The following DCBLD2 variants were observed in gnomAD, a reference collection of about 807,000 sequenced individuals.
DCBLD2 encodes discoidin, CUB and LCCL domain containing 2, also known as discoidin, CUB and LCCL domain-containing protein 2.
DCBLD2 carries 54 observed loss-of-function variants against 86.8 expected under a neutral mutation model. That is an observed-to-expected ratio of 0.62 (90% CI 0.50 to 0.78). The LOEUF (loss-of-function observed/expected upper bound fraction) is 0.78. Among genes scored for constraint, DCBLD2 ranks in the 30% least tolerant of loss-of-function variants. The pLI is 0.00. For synonymous variants in DCBLD2, 354 were observed against 341.3 expected, an observed-to-expected ratio of 1.04 and a Z score of -0.41; for missense variants, 908 against 954.2, an observed-to-expected ratio of 0.95 and a Z score of 0.64.
chr3:98,839,198 TC>T (rs1254395761), intron 3 of DCBLD2, among the ~76,000 whole-genome samples: 1,905 of 150,128 alleles, frequency 0.013, 60 homozygotes, highest in African/African-American at 0.045. Context: ...CTTCCTTCCT[TC>T]CTTCCTTCTT....
intron 3 of DCBLD2, among the ~76,000 whole-genome samples, chr3:98,834,677 T>A (rs1282999005): frequency 6.6e-6 from 1 of 150,488 alleles, no homozygotes; most frequent in Non-Finnish European, 1.5e-5. Context: ...ATACATCACC[T>A]TTTCTTTATT....
In DCBLD2 at chr3:98,836,763, C is replaced by T. The variant is rs1455527619; in HGVS notation, c.572-11397G>A. ...CTCCCTCCCGGACGGGGTGGCTGGCCGGGCGGGGGGCCGACACCCCCACCT... is the reference window on the plus strand; with the variant it reads ...CTCCCTCCCGGACGGGGTGGCTGGCTGGGCGGGGGGCCGACACCCCCACCT... On this transcript the variant is annotated intron_variant, in intron 3 of 15. Coordinates refer to ENST00000326840, the MANE Select transcript of DCBLD2 (RefSeq NM_080927.4). 2.8e-5 allele frequency among the ~76,000 whole-genome samples: 2 copies of T among 71,196 alleles called. 1 individual carries two copies. The highest frequency in any genetic ancestry group is 9.9e-5 in the African/African-American group (2 of 20,194). The allele number at this position is 71,196 out of a possible 152,430, so 46.7% of individuals were successfully genotyped here. A position where few individuals can be genotyped will look rare whatever the true frequency, so the allele number is the denominator to read the frequency against.
At chr3:98,900,981 C>T (rs1943838289) in intron 1 of DCBLD2, 141 bp downstream of exon 1, 1 of 1,415,128 alleles carries the variant, frequency 7.1e-7, no homozygotes. Flanking sequence ...GCAACTCAAC[C>T]CCGTGAGTAC....
chr3:98,860,219 C>T (rs1943015882), intron 2 of DCBLD2, among the ~76,000 whole-genome samples: 1 of 152,108 alleles, frequency 6.6e-6, no homozygotes, highest in Non-Finnish European at 1.5e-5. Context: ...AAATATGGGA[C>T]TAGGTGAAAA....
intron 1 of DCBLD2, chr3:98,895,232 G>C (rs1943731557): frequency 6.6e-6 from 1 of 152,198 alleles, no homozygotes; most frequent in Non-Finnish European, 1.5e-5. Context: ...TTACTTACAT[G>C]ATACGCAAAG....
At chr3:98,812,157 ATAAC>A (rs10612322) in intron 10 of DCBLD2, among the ~76,000 whole-genome samples, 171 bp downstream of exon 10, 65,449 of 151,584 alleles carry the variant, frequency 0.43, 14,246 homozygotes, top group African/African-American at 0.45. Context: ...AACCATTCTT[ATAAC>A]TAACTTTTTA....
chr3:98,817,658 T>C lies in DCBLD2; in HGVS notation c.1212+111A>G, dbSNP rs1942047100. 4.0e-6 allele frequency: 4 copies of C among 991,616 alleles called. No homozygotes were observed. The South Asian group carries it at 5.3e-5, about 13-fold the overall frequency. 61.4% of individuals were successfully genotyped at this position (991,616 alleles called of 1,614,324 possible). On this transcript the variant is annotated intron_variant, in intron 9 of 15. Coordinates refer to ENST00000326840, the MANE Select transcript of DCBLD2 (RefSeq NM_080927.4). ...ACTACCTAAAATAACCACAAGAGGG[T>C]AGTATAAGACATTCTAAACTTCTAC...
chr3:98,894,997 A>T (rs1457879691), intron 1 of DCBLD2, among the ~76,000 whole-genome samples: 1 of 152,106 alleles, frequency 6.6e-6, no homozygotes, highest in Non-Finnish European at 1.5e-5. Context: ...AAGGGTTTTG[A>T]AGGCTGATCG....
intron 1 of DCBLD2, among the ~76,000 whole-genome samples, chr3:98,892,031 T>C (rs1459462902): frequency 6.6e-6 from 1 of 152,174 alleles, no homozygotes; most frequent in African/African-American, 2.4e-5. Context: ...TACAAGGCTC[T>C]TAGCACATGC....
intron 3 of DCBLD2, among the ~76,000 whole-genome samples, chr3:98,841,133 C>T (rs1447766183): frequency 6.6e-6 from 1 of 152,190 alleles, no homozygotes; most frequent in Non-Finnish European, 1.5e-5. Flanking sequence ...CCTGCCTTCC[C>T]TAATCCTAGA....
Position 98,797,212 on chromosome 3 carries a change from G to C in DCBLD2, c.*2160C>G, listed in dbSNP as rs948801369. ...AAAAATTATTGGTAGTTCAAGGATAGCACAGTGGCAATATGAATCGAGTCT... is the reference window on the plus strand; with the variant it reads ...AAAAATTATTGGTAGTTCAAGGATACCACAGTGGCAATATGAATCGAGTCT... On this transcript the variant is annotated 3_prime_UTR_variant, in exon 16 of 16. Transcript: ENST00000326840. 2 of 151,278 alleles carry C rather than the reference G, an allele frequency of 1.3e-5. No homozygotes were observed. The highest frequency in any genetic ancestry group is 6.6e-5 in the Admixed American group (1 of 15,156). 9.4% of individuals were successfully genotyped at this position (151,278 alleles called of 1,614,324 possible).
At chr3:98,844,722 G>A (rs1217024701) in intron 3 of DCBLD2, among the ~76,000 whole-genome samples, 2 of 152,102 alleles carry the variant, frequency 1.3e-5, no homozygotes, top group African/African-American at 4.8e-5. Flanking sequence ...CCTTACTGTG[G>A]TAGGTTCTGC....
chr3:98,806,325 T>C (rs1008230399), intron 13 of DCBLD2, among the ~76,000 whole-genome samples: 4 of 152,226 alleles, frequency 2.6e-5, no homozygotes, highest in Admixed American at 2.6e-4. Context: ...TTATGTAGAA[T>C]AGTGACTAAG....
At chr3:98,833,564 G>A (rs779628423) in intron 3 of DCBLD2, among the ~76,000 whole-genome samples, 4 of 152,174 alleles carry the variant, frequency 2.6e-5, no homozygotes, top group Non-Finnish European at 4.4e-5. Context: ...TCTCTGTGTG[G>A]GTGTTCCTTT....
chr3:98,839,120 T>TC (rs1559781363), intron 3 of DCBLD2, among the ~76,000 whole-genome samples: 37 of 33,192 alleles, frequency 1.1e-3, no homozygotes, highest in African/African-American at 1.9e-3. Flanking sequence ...TTTCTTTCTT[T>TC]TTCTTTCTTT....
intron 2 of DCBLD2, among the ~76,000 whole-genome samples, chr3:98,852,463 TCTAGAACTCCTGAC>T (rs908388413): frequency 1.2e-4 from 19 of 152,306 alleles, no homozygotes; most frequent in African/African-American, 4.3e-4. Flanking sequence ...GCCAGGCTGG[TCTAGAACTCCTGAC>T]CTGTGGTGAT....
intron 13 of DCBLD2, chr3:98,807,868 A>C (rs1335739671): frequency 5.9e-6 from 2 of 338,548 alleles, no homozygotes; most frequent in African/African-American, 4.3e-5. Context: ...CCCAGTGTAT[A>C]ATGCAGAACT....
intron 1 of DCBLD2, among the ~76,000 whole-genome samples, chr3:98,884,908 A>G (rs1371268239): frequency 6.6e-6 from 1 of 152,108 alleles, no homozygotes; most frequent in Non-Finnish European, 1.5e-5. Context: ...TTTAAAAATG[A>G]TTTTTACAAA....
intron 3 of DCBLD2, among the ~76,000 whole-genome samples, chr3:98,839,180 C>CT (rs1446480092): frequency 2.2e-3 from 63 of 28,174 alleles, no homozygotes; most frequent in African/African-American, 0.012. Context: ...TCCTTTCTTT[C>CT]TTCCTTCCTT....
Sources: allele counts gnomAD v4.1 joint callset (sites outside exome capture counted in the v4.1 genomes callset), GRCh38; gene constraint gnomAD v4.1.1; transcripts MANE v1.5; gene names NCBI Gene and HGNC (gene_info 2026-07-23, HGNC 2026-07-21).